The following EML4 variants were observed in gnomAD, a reference collection of about 807,000 sequenced individuals.
The protein encoded by EML4 is EMAP like 4.
EML4 carries 72 observed loss-of-function variants against 129.0 expected under a neutral mutation model. The observed-to-expected ratio is 0.56, with a 90% CI of 0.46 to 0.68. The LOEUF is 0.68. EML4 is among the 30% of genes least tolerant of loss of function. The pLI is 0.00. For synonymous variants in EML4, 532 were observed against 405.0 expected (o/e 1.31, Z -3.77); for missense variants, 1,363 against 1,190.6 (o/e 1.14, Z -2.13).
At chr2:42,274,261 T>C (rs1470843171) in intron 6 of EML4, among the ~76,000 whole-genome samples, 1 of 152,152 alleles carries the variant, frequency 6.6e-6, no homozygotes, top group Admixed American at 6.5e-5. Flanking sequence ...GTTCTAAAGA[T>C]TGTAAAATAC....
chr2:42,169,557 C>A lies in EML4; in HGVS notation c.-55C>A. Reference sequence around the variant, plus strand: ...CTCAGCGTCGGCCACTCTGTCGGTCCGCTGAATGAAGTGCCCGCCCCTCTA... The same window carrying A: ...CTCAGCGTCGGCCACTCTGTCGGTCAGCTGAATGAAGTGCCCGCCCCTCTA... On this transcript the variant is annotated 5_prime_UTR_variant, in exon 1 of 23. Transcript: ENST00000318522. The A allele has an allele frequency of 1.3e-6, 2 of 1,578,902 alleles. No individual in the cohort carries two copies. The highest frequency in any genetic ancestry group is 1.7e-4 in the Middle Eastern group (1 of 5,822).
intron 2 of EML4, among the ~76,000 whole-genome samples, chr2:42,246,462 A>G (rs1317738062): frequency 6.6e-6 from 1 of 152,214 alleles, no homozygotes; most frequent in Non-Finnish European, 1.5e-5. Context: ...GTCAATGTAA[A>G]TTATTAACCT....
chr2:42,227,387 A>G lies in EML4; in HGVS notation c.26-18118A>G, dbSNP rs866963139. Among the ~76,000 whole-genome samples the G allele has an allele frequency of 1.4e-4, 21 of 152,030 alleles. No individual in the cohort carries two copies. The Middle Eastern group carries it at 0.01, about 75-fold the overall frequency. Reference sequence around the variant, plus strand: ...CCCGCAAAGTGCTGGGATTACTGGCATGAACCACTGTGCCCAGCCTCCATT... The same window carrying G: ...CCCGCAAAGTGCTGGGATTACTGGCGTGAACCACTGTGCCCAGCCTCCATT... On this transcript the variant is annotated intron_variant, in intron 1 of 22. Coordinates refer to ENST00000318522, the MANE Select transcript of EML4 (RefSeq NM_019063.5).
intron 1 of EML4, among the ~76,000 whole-genome samples, chr2:42,224,869 G>A (rs1057318952): frequency 6.6e-5 from 10 of 151,966 alleles, no homozygotes; most frequent in African/African-American, 2.2e-4. Flanking sequence ...ACCATCACCC[G>A]TATGTTTTCA....
intron 1 of EML4, among the ~76,000 whole-genome samples, chr2:42,191,743 A>C (rs1329750091): frequency 2.0e-5 from 3 of 152,150 alleles, no homozygotes; most frequent in Non-Finnish European, 4.4e-5. Context: ...ATGTTTTATC[A>C]CCACCTCAAA....
intron 1 of EML4, among the ~76,000 whole-genome samples, chr2:42,220,068 C>G (rs1673475081): frequency 6.6e-6 from 1 of 151,968 alleles, no homozygotes. Context: ...TATTTTCACT[C>G]ATAGTGTATG....
intron 6 of EML4, among the ~76,000 whole-genome samples, chr2:42,266,778 A>G (rs1390453933): frequency 3.9e-5 from 6 of 152,084 alleles, no homozygotes. Flanking sequence ...CTGAATGACA[A>G]TGTCTCTGAG....
chr2:42,303,274 ATT>A (rs1306358712), intron 15 of EML4, 39 bp from the exon 16 acceptor site: 2 of 1,613,816 alleles, frequency 1.2e-6, no homozygotes, highest in Non-Finnish European at 1.7e-6. Context: ...TTTTTATGAT[ATT>A]CTTTGGTTCT....
intron 1 of EML4, among the ~76,000 whole-genome samples, chr2:42,239,998 G>C (rs1205149612): frequency 6.6e-6 from 1 of 152,166 alleles, no homozygotes; most frequent in Non-Finnish European, 1.5e-5. Flanking sequence ...AAGGAACTCT[G>C]ACTCGTTTGC....
In EML4 at chr2:42,173,845, A is replaced by AT. The variant is rs577030990; in HGVS notation, c.25+4209_25+4210insT. On this transcript the variant is annotated intron_variant, in intron 1 of 22. Coordinates refer to ENST00000318522, the MANE Select transcript of EML4 (RefSeq NM_019063.5). ...CCACAGAGCAAACCTCTGCCTCTAAAAAATAAATAAATAAATAAAGTATGT... is the reference window on the plus strand; with the variant it reads ...CCACAGAGCAAACCTCTGCCTCTAAATAAATAAATAAATAAATAAAGTATGT... 5.1e-4 allele frequency among the ~76,000 whole-genome samples: 77 copies of AT among 152,288 alleles called. 2 individuals carry two copies. The South Asian group carries it at 0.012, about 23-fold the overall frequency.
intron 19 of EML4, among the ~76,000 whole-genome samples, chr2:42,318,450 C>A (rs1277509579): frequency 6.6e-6 from 1 of 152,022 alleles, no homozygotes; most frequent in Non-Finnish European, 1.5e-5. Context: ...TATTTTATAC[C>A]ATATATTAAA....
At position 42,332,150 on chromosome 2, in the gene EML4, G is replaced by A. The variant is rs1670136195; in HGVS notation, c.*1943G>A. 1 of 220,690 alleles carries A rather than the reference G, an allele frequency of 4.5e-6. No individual in the cohort carries two copies. The highest frequency in any genetic ancestry group is 9.1e-6 in the Non-Finnish European group (1 of 110,194). 13.7% of individuals were successfully genotyped at this position (220,690 alleles called of 1,614,324 possible). On this transcript the variant is annotated 3_prime_UTR_variant, in exon 23 of 23. Coordinates refer to ENST00000318522, the MANE Select transcript of EML4 (RefSeq NM_019063.5). ...ACATGAACAGGCAGTTCTTGGAGAA[G>A]AAAGAGCATTTCTTTAAGTACCTGG...
chr2:42,254,959 T>C (rs1432950111), intron 2 of EML4, among the ~76,000 whole-genome samples: 1 of 152,212 alleles, frequency 6.6e-6, no homozygotes, highest in Non-Finnish European at 1.5e-5. Context: ...GAATGAAATA[T>C]ATGTGCTACA....
chr2:42,169,928 T>G, intron 1 of EML4: 1 of 360,410 alleles, frequency 2.8e-6, no homozygotes, highest in Non-Finnish European at 5.1e-6. Flanking sequence ...CCCCGATAGC[T>G]GGCACACCCC....
intron 1 of EML4, among the ~76,000 whole-genome samples, chr2:42,231,033 C>G (rs780451249): frequency 6.6e-6 from 1 of 152,154 alleles, no homozygotes; most frequent in Non-Finnish European, 1.5e-5. Flanking sequence ...CTCTTCACCC[C>G]CGTCTGGTTA....
intron 1 of EML4, among the ~76,000 whole-genome samples, chr2:42,182,416 G>C (rs920069408): frequency 1.3e-5 from 2 of 150,662 alleles, no homozygotes; most frequent in African/African-American, 4.9e-5. Flanking sequence ...CAGGGCTCCA[G>C]CATCCTATGC....
chr2:42,295,000 C>A, intron 11 of EML4, 125 bp from the exon 12 acceptor site: 1 of 832,166 alleles, frequency 1.2e-6, no homozygotes. Flanking sequence ...GGAAAATTGT[C>A]TTAGAAGAAG....
intron 1 of EML4, among the ~76,000 whole-genome samples, chr2:42,234,261 TGA>T (rs1196952876): frequency 2.6e-5 from 4 of 152,258 alleles, no homozygotes; most frequent in Admixed American, 6.5e-5. Context: ...CCATCTGGAC[TGA>T]GAGGATTTCC....
At chr2:42,213,208 CAT>C (rs1466660912) in intron 1 of EML4, among the ~76,000 whole-genome samples, 1 of 152,136 alleles carries the variant, frequency 6.6e-6, no homozygotes, top group Non-Finnish European at 1.5e-5. Context: ...GATCACAAAA[CAT>C]TACCAGAATC....
Sources: gnomAD v4.1 joint callset for allele counts (sites outside exome capture counted in the v4.1 genomes callset) on GRCh38, gnomAD v4.1.1 for gene constraint, MANE v1.5 for transcripts, NCBI Gene and HGNC (gene_info 2026-07-23, HGNC 2026-07-21) for gene names.